Variants in RNF25 observed in about 807,000 individuals in gnomAD.
The protein encoded by RNF25 is ring finger protein 25.
Under a neutral mutation model 65.0 loss-of-function variants are expected in RNF25, and 32 were observed. The observed-to-expected ratio is 0.49, with a 90% CI of 0.37 to 0.66. The LOEUF (loss-of-function observed/expected upper bound fraction) is 0.66. Among genes scored for constraint, RNF25 ranks in the 30% least tolerant of loss-of-function variants. The pLI is 0.00. For missense variants in RNF25, 493 were observed against 584.8 expected (o/e 0.84, Z 1.62); for synonymous variants, 207 against 221.2 (o/e 0.94, Z 0.57).
intron 6 of RNF25, 21 bp from the exon 7 acceptor site, chr2:218,666,080 G>A (rs1202700407): frequency 1.9e-6 from 3 of 1,612,888 alleles, no homozygotes; most frequent in Admixed American, 1.7e-5. Flanking sequence ...GGCAGATGTA[G>A]GGCACTAAGT....
chr2:218,669,410 G>A lies in RNF25; in HGVS notation c.42-731C>T, dbSNP rs572016987. Among the ~76,000 whole-genome samples, 3 of 152,320 alleles carry A rather than the reference G, an allele frequency of 2.0e-5. No individual in the cohort carries two copies. In the East Asian group the frequency reaches 5.8e-4, roughly 29 times the overall value. On this transcript the variant is annotated intron_variant, in intron 1 of 9. Transcript: ENST00000295704. The stretch of plus-strand genomic sequence containing the variant: ...ACATAAAGTACCTAATAGTATCTGG[G>A]CTATCGTAGCTAGTCTACGTCCTCT...
Position 218,667,904 on chromosome 2 carries a change from C to T in RNF25, c.357+8G>A. The T allele has an allele frequency of 6.2e-7, 1 of 1,613,460 alleles. No homozygotes were observed. The highest frequency in any genetic ancestry group is 8.5e-7 in the Non-Finnish European group (1 of 1,179,458). ...AAAGAACATATCTCAGACTAGCGCACCTCTTACCTCAATGAGTTCATACAG... is the reference window on the plus strand; with the variant it reads ...AAAGAACATATCTCAGACTAGCGCATCTCTTACCTCAATGAGTTCATACAG... On this transcript the variant is annotated splice_region_variant and intron_variant, in intron 5 of 9. Coordinates refer to ENST00000295704, the MANE Select transcript of RNF25 (RefSeq NM_022453.3).
At chr2:218,667,814 G>T in intron 5 of RNF25, 98 bp downstream of exon 5, 1 of 1,130,552 alleles carries the variant, frequency 8.8e-7, no homozygotes, top group Non-Finnish European at 1.3e-6. Context: ...AATGACTCCA[G>T]ATCCGTTTAA....
chr2:218,668,030 C>T (rs767205848), intron 4 of RNF25, 49 bp from the exon 5 acceptor site: 7 of 1,612,030 alleles, frequency 4.3e-6, no homozygotes, highest in East Asian at 2.2e-5. Flanking sequence ...TTTCTGTCAC[C>T]GGGCAAAGCT....
intron 1 of RNF25, among the ~76,000 whole-genome samples, chr2:218,669,081 C>T (rs1939895945): frequency 6.6e-6 from 1 of 152,234 alleles, no homozygotes; most frequent in Non-Finnish European, 1.5e-5. Context: ...CAACCTTTCC[C>T]TACGTCACTG....
intron 5 of RNF25, 26 bp from the exon 6 acceptor site, chr2:218,666,256 CG>C: frequency 1.3e-6 from 2 of 1,592,858 alleles, no homozygotes; most frequent in South Asian, 1.1e-5. Flanking sequence ...ACTGATTAAA[CG>C]GGGGTAGGGG....
chr2:218,671,794 C>G, intron 1 of RNF25, 136 bp downstream of exon 1: 2 of 972,316 alleles, frequency 2.1e-6, no homozygotes, highest in South Asian at 1.6e-5. Context: ...CCAGCTTTCC[C>G]AGAGATGTCA....
chr2:218,668,510 G>T, intron 2 of RNF25, 95 bp downstream of exon 2: 1 of 1,037,376 alleles, frequency 9.6e-7, no homozygotes, highest in Non-Finnish European at 1.5e-6. Context: ...TATTATCTCT[G>T]AATCAAGGCT....
At chr2:218,666,116 G>T in intron 6 of RNF25, 43 bp downstream of exon 6, 1 of 1,611,640 alleles carries the variant, frequency 6.2e-7, no homozygotes, top group African/African-American at 1.3e-5. Flanking sequence ...GCCCTCATCT[G>T]CTGGTCCCAA....
At chr2:218,670,286 G>A (rs936058415) in intron 1 of RNF25, among the ~76,000 whole-genome samples, 1 of 151,814 alleles carries the variant, frequency 6.6e-6, no homozygotes, top group African/African-American at 2.4e-5. Flanking sequence ...TACTAGCTGG[G>A]CTCCCTGAAC....
At chr2:218,669,860 C>G (rs1269018378) in intron 1 of RNF25, among the ~76,000 whole-genome samples, 1 of 152,160 alleles carries the variant, frequency 6.6e-6, no homozygotes, top group Non-Finnish European at 1.5e-5. Context: ...GGGAGTCTCA[C>G]AGTACTACAG....
At chr2:218,669,122 G>A (rs567899554) in intron 1 of RNF25, among the ~76,000 whole-genome samples, 3 of 151,920 alleles carry the variant, frequency 2.0e-5, no homozygotes, top group Non-Finnish European at 4.4e-5. Flanking sequence ...CTTGGCTACT[G>A]TCTACATACA....
rs755319283 is a variant in RNF25, at chr2:218,665,231, T to A, written c.590A>T (p.Gln197Leu). 5.6e-6 allele frequency: 9 copies of A among 1,613,744 alleles called. No individual in the cohort carries two copies. In the South Asian group the frequency reaches 9.9e-5, roughly 18 times the overall value. Reference protein sequence around the residue: ...ATTKQKAVGVQCPVCREPLVY... With the variant: ...ATTKQKAVGVLCPVCREPLVY... ...GAGGGGCTCTCTGCACACTGGACAC[T>A]GCACACCGACTGCCTTCTAAAAAAG... is the stretch of plus-strand genomic sequence containing the variant. The change falls in exon 8 of 10, where the codon CAG becomes CTG. Residue 197 changes from glutamine (Q) to leucine (L), a missense_variant. This residue lies in a region of RNF25 where 351 missense variants were observed against 400.2 expected (regional missense o/e 0.88). Coordinates refer to ENST00000295704, the MANE Select transcript of RNF25 (RefSeq NM_022453.3).
intron 1 of RNF25, among the ~76,000 whole-genome samples, chr2:218,670,875 T>C (rs1559324454): frequency 6.6e-6 from 1 of 150,564 alleles, no homozygotes; most frequent in Non-Finnish European, 1.5e-5. Flanking sequence ...TGCACCTCAG[T>C]TATTAATGAA....
rs1397691322 is a variant in RNF25 at position 218,665,924 on chromosome 2, T to C, written c.565A>G (p.Thr189Ala). ...GGTGCAGTGAGGTCTACCTGTTTGG[T>C]TGTAGCATGCTGCCGTTCCTGTTCC... ...EQEQERQHATTKQKAVGVQCP... is the reference protein window; with the variant it reads ...EQEQERQHATAKQKAVGVQCP... Residue 189 changes from threonine (T) to alanine (A), a missense_variant, in exon 7 of 10, where the codon ACC becomes GCC. This residue lies in a region of RNF25 where 351 missense variants were observed against 400.2 expected (regional missense o/e 0.88). Coordinates refer to ENST00000295704, the MANE Select transcript of RNF25 (RefSeq NM_022453.3). 4 of 1,613,404 alleles carry C rather than the reference T, an allele frequency of 2.5e-6. No individual in the cohort carries two copies.
At position 218,668,252 on chromosome 2, in the gene RNF25, T is replaced by C. The variant is rs115769773; in HGVS notation, c.206A>G (p.Gln69Arg). 2.1e-3 allele frequency: 3,442 copies of C among 1,614,066 alleles called. 9 individuals carry two copies. Among genetic ancestry groups the C allele is most frequent in the Non-Finnish European group, 2.6e-3 (3,103 of 1,179,922 alleles). ...SQYVCFTLVLQVPAEYPHEVP... is the reference protein window; with the variant it reads ...SQYVCFTLVLRVPAEYPHEVP... ...TAGGGGCTTCACCTCTGCTGGGACC[T>C]GAAGCACCAGAGTGAAGCAGACATA... The change falls in exon 3 of 10, where the codon CAG (glutamine) becomes CGG (arginine). Residue 69 changes from glutamine to arginine, a missense_variant. Transcript: ENST00000295704.
At position 218,666,069 on chromosome 2, in the gene RNF25, A is replaced by C; in HGVS notation, c.430-10T>G. 1 of 1,613,076 alleles carries C rather than the reference A, an allele frequency of 6.2e-7. No homozygotes were observed. The highest frequency in any genetic ancestry group is 8.5e-7 in the Non-Finnish European group (1 of 1,179,142). On this transcript the variant is annotated splice_polypyrimidine_tract_variant and intron_variant, in intron 6 of 9. Transcript: ENST00000295704. Reference sequence around the variant, plus strand: ...TAAAGGCCTCCTTCTCCTAGAGGGAAGGCAGATGTAGGGCACTAAGTCAGA... The same window carrying C: ...TAAAGGCCTCCTTCTCCTAGAGGGACGGCAGATGTAGGGCACTAAGTCAGA...
At chr2:218,670,307 T>C (rs1053162398) in intron 1 of RNF25, among the ~76,000 whole-genome samples, 3 of 151,868 alleles carry the variant, frequency 2.0e-5, no homozygotes, top group African/African-American at 4.8e-5. Flanking sequence ...CAATGTAACA[T>C]TGAGGTGTAG....
In RNF25 at chr2:218,665,803, G is replaced by A. The variant is rs1355583249; in HGVS notation, c.573+113C>T. 20 of 1,358,448 alleles carry A rather than the reference G, an allele frequency of 1.5e-5. 1 individual carries two copies. In the South Asian group the frequency reaches 2.1e-4, roughly 15 times the overall value. 84.1% of individuals were successfully genotyped at this position (1,358,448 alleles called of 1,614,324 possible). A position where few individuals can be genotyped will look rare whatever the true frequency, so the allele number is the denominator to read the frequency against. ...AGAGGTAAGAGTTCATTAATCTCAA[G>A]GGTATCTATGACCCTGAAAAAGTGA... On this transcript the variant is annotated intron_variant, in intron 7 of 9. Transcript: ENST00000295704.
Sources: allele counts gnomAD v4.1 joint callset (sites outside exome capture counted in the v4.1 genomes callset), GRCh38; gene constraint gnomAD v4.1.1; regional missense constraint gnomAD v4.1.1; transcripts MANE v1.5; gene names NCBI Gene and HGNC (gene_info 2026-07-23, HGNC 2026-07-21).